MARCHF1: variants seen among roughly 807,000 people sequenced by gnomAD.
The protein encoded by MARCHF1 is membrane associated ring-CH-type finger 1.
A neutral mutation model predicts 54.2 loss-of-function variants in MARCHF1; 40 were observed. That is an observed-to-expected ratio of 0.74 (90% confidence interval 0.57 to 0.96). The LOEUF (loss-of-function observed/expected upper bound fraction) is 0.96. Among genes scored for constraint, MARCHF1 ranks in the 40% least tolerant of loss-of-function variants. MARCHF1 has a pLI of 0.00. For missense variants in MARCHF1, 586 were observed against 656.5 expected, an observed-to-expected ratio of 0.89 and a Z score of 1.17; for synonymous variants, 236 against 236.3, an observed-to-expected ratio of 1.00 and a Z score of 0.01.
At chr4:163,693,190 G>A (rs1744517378) in intron 5 of MARCHF1, among the ~76,000 whole-genome samples, 1 of 151,368 alleles carries the variant, frequency 6.6e-6, no homozygotes, top group Non-Finnish European at 1.5e-5. Context: ...GTGTCCCAGA[G>A]AGTAGGAAAT....
At chr4:163,697,609 T>C (rs933578398) in intron 5 of MARCHF1, among the ~76,000 whole-genome samples, 1 of 152,172 alleles carries the variant, frequency 6.6e-6, no homozygotes, top group Non-Finnish European at 1.5e-5. Flanking sequence ...AAAGCAGACT[T>C]AGAAATATAA....
chr4:163,722,838 G>T (rs1367907732), intron 4 of MARCHF1, among the ~76,000 whole-genome samples: 1 of 152,154 alleles, frequency 6.6e-6, no homozygotes, highest in Admixed American at 6.5e-5. Flanking sequence ...CAGAGACTAG[G>T]ATTGCAACCC....
At chr4:164,341,174 C>T (rs1466775891) in intron 1 of MARCHF1, among the ~76,000 whole-genome samples, 1 of 151,552 alleles carries the variant, frequency 6.6e-6, no homozygotes, top group African/African-American at 2.4e-5. Flanking sequence ...CAAAATTCAA[C>T]ATTTTTTCAT....
chr4:163,718,234 T>C (rs538363376), intron 4 of MARCHF1, among the ~76,000 whole-genome samples: 12 of 152,174 alleles, frequency 7.9e-5, no homozygotes, highest in Admixed American at 5.2e-4. Flanking sequence ...ATTCAGGACA[T>C]AGGCGTGGGC....
chr4:163,789,748 A>G (rs1225068053), intron 4 of MARCHF1, among the ~76,000 whole-genome samples: 2 of 152,046 alleles, frequency 1.3e-5, no homozygotes, highest in Non-Finnish European at 2.9e-5. Context: ...AATATGTGGG[A>G]AAATATAGTA....
intron 5 of MARCHF1, among the ~76,000 whole-genome samples, chr4:163,618,193 C>T (rs1741574941): frequency 6.6e-6 from 1 of 152,176 alleles, no homozygotes; most frequent in African/African-American, 2.4e-5. Context: ...ATAGCAGATA[C>T]TGTGCCTGAA....
chr4:163,955,369 CAA>C (rs79667612), intron 3 of MARCHF1, among the ~76,000 whole-genome samples: 12 of 93,774 alleles, frequency 1.3e-4, no homozygotes, highest in Admixed American at 2.2e-4. Context: ...AAAAACAAAG[CAA>C]AAAAAAAAAA....
intron 3 of MARCHF1, among the ~76,000 whole-genome samples, chr4:163,987,981 C>G (rs566032447): frequency 6.6e-6 from 1 of 152,342 alleles, no homozygotes; most frequent in Non-Finnish European, 1.5e-5. Context: ...CATACACAAC[C>G]ATGCACTGCC....
At chr4:163,559,952 G>T (rs970268925) in intron 8 of MARCHF1, among the ~76,000 whole-genome samples, 2 of 152,078 alleles carry the variant, frequency 1.3e-5, no homozygotes, top group African/African-American at 4.8e-5. Flanking sequence ...CGAGTTCTCA[G>T]ATTTCTTTAT....
intron 1 of MARCHF1, among the ~76,000 whole-genome samples, chr4:164,362,930 A>T (rs1730769735): frequency 6.6e-6 from 1 of 152,078 alleles, no homozygotes; most frequent in Non-Finnish European, 1.5e-5. Context: ...AATTGTTAAG[A>T]TCATTTCTCA....
At chr4:164,150,169 C>G (rs750478427) in intron 1 of MARCHF1, among the ~76,000 whole-genome samples, 1 of 152,156 alleles carries the variant, frequency 6.6e-6, no homozygotes, top group Non-Finnish European at 1.5e-5. Context: ...TATTTAGAAT[C>G]TGTCACAGAG....
At chr4:163,924,643 A>G (rs1751499851) in intron 3 of MARCHF1, among the ~76,000 whole-genome samples, 2 of 151,980 alleles carry the variant, frequency 1.3e-5, no homozygotes, top group Non-Finnish European at 2.9e-5. Context: ...GATCATGTTG[A>G]CAATAGTATG....
intron 3 of MARCHF1, among the ~76,000 whole-genome samples, chr4:163,878,051 T>C (rs1203618629): frequency 6.6e-6 from 1 of 152,322 alleles, no homozygotes; most frequent in African/African-American, 2.4e-5. Context: ...TGTTTCTCAC[T>C]TTCCCCTTCC....
At chr4:163,861,108 A>C (rs1749919528) in intron 3 of MARCHF1, among the ~76,000 whole-genome samples, 1 of 152,224 alleles carries the variant, frequency 6.6e-6, no homozygotes, top group Non-Finnish European at 1.5e-5. Context: ...AGCCCAGAGA[A>C]GGAAGCTCTA....
Position 163,791,062 on chromosome 4 carries a change from A to C in MARCHF1, c.111+62959T>G, listed in dbSNP as rs186134808. Among the ~76,000 whole-genome samples the C allele has an allele frequency of 9.2e-5, 14 of 152,278 alleles. No homozygotes were observed. In the East Asian group the frequency reaches 2.7e-3, roughly 29 times the overall value. On this transcript the variant is annotated intron_variant, in intron 4 of 9. Transcript: ENST00000514618. ...AGGCTATTCCAACAATGAGTTTAGA[A>C]TGAGAATGTAAAAACCATAGCACCT...
At chr4:163,693,293 A>C (rs543778359) in intron 5 of MARCHF1, among the ~76,000 whole-genome samples, 9 of 151,550 alleles carry the variant, frequency 5.9e-5, no homozygotes, top group African/African-American at 2.2e-4. Context: ...TCCAGAGTTA[A>C]GACCAAATTT....
intron 1 of MARCHF1, among the ~76,000 whole-genome samples, chr4:164,218,571 A>G (rs1477531666): frequency 2.0e-5 from 3 of 152,078 alleles, no homozygotes; most frequent in African/African-American, 7.2e-5. Flanking sequence ...GAAGCTGGAA[A>G]CCATCATTCT....
In MARCHF1 at chr4:163,682,633, G is replaced by T. The variant is rs551004844; in HGVS notation, c.162+18180C>A. On this transcript the variant is annotated intron_variant, in intron 5 of 9. Coordinates refer to ENST00000514618, the MANE Select transcript of MARCHF1 (RefSeq NM_001394959.1). ...GTTCCCATAATCCTCACATGCTGTG[G>T]AAGGGACCCAGTGGGAGGTAATTGA... is the stretch of plus-strand genomic sequence containing the variant. Among the ~76,000 whole-genome samples the T allele has an allele frequency of 2.0e-5, 3 of 152,326 alleles. No individual in the cohort carries two copies. In the East Asian group the frequency reaches 5.8e-4, roughly 29 times the overall value.
intron 3 of MARCHF1, among the ~76,000 whole-genome samples, chr4:163,883,917 G>C (rs1560802648): frequency 1.3e-5 from 2 of 152,132 alleles, no homozygotes; most frequent in South Asian, 2.1e-4. Context: ...GGTATTCATA[G>C]ATCTTTGCTT....
Sources: allele counts gnomAD v4.1 joint callset (sites outside exome capture counted in the v4.1 genomes callset), GRCh38; gene constraint gnomAD v4.1.1; transcripts MANE v1.5; gene names NCBI Gene and HGNC (gene_info 2026-07-23, HGNC 2026-07-21).